TAF4B: variants seen among roughly 807,000 people sequenced by gnomAD.
TAF4B encodes TATA-box binding protein associated factor 4b.
TAF4B carries 38 observed loss-of-function variants against 86.4 expected under a neutral mutation model. The ratio of observed to expected loss-of-function variants is 0.44; its 90% CI spans 0.34 to 0.58. The LOEUF is 0.58. Among genes scored for constraint, TAF4B ranks in the 20% least tolerant of loss-of-function variants. TAF4B has a pLI of 0.02. For missense variants in TAF4B, 988 were observed against 1,027.6 expected (o/e 0.96, Z 0.53); for synonymous variants, 388 against 391.2 (o/e 0.99, Z 0.10).
chr18:26,367,678 T>C (rs2057380800), intron 14 of TAF4B, among the ~76,000 whole-genome samples: 1 of 152,218 alleles, frequency 6.6e-6, no homozygotes, highest in South Asian at 2.1e-4. Flanking sequence ...AGTTGGCACA[T>C]AAAATTAACC....
rs115521036 is a variant in TAF4B, at chr18:26,237,515, C to T, written c.343+10239C>T. 7.6e-3 allele frequency among the ~76,000 whole-genome samples: 1,157 copies of T among 151,958 alleles called. 13 individuals carry two copies. The highest frequency in any genetic ancestry group is 0.026 in the African/African-American group (1,096 of 41,468). On this transcript the variant is annotated intron_variant, in intron 1 of 14. Transcript: ENST00000269142. ...TTTTTTTGTGGTCCCTTGGAGATTT[C>T]TTGCTTGTTTCCTTCTGGGTGGGGG...
In TAF4B at chr18:26,274,917, A is replaced by G. The variant is rs780028320; in HGVS notation, c.760-14A>G. On this transcript the variant is annotated splice_polypyrimidine_tract_variant and intron_variant, in intron 4 of 14. Transcript: ENST00000269142. Reference sequence around the variant, plus strand: ...AACACTTGTGTTTGCTTATATTTACATTTTCATATTTAGACAATGCTAGAA... The same window carrying G: ...AACACTTGTGTTTGCTTATATTTACGTTTTCATATTTAGACAATGCTAGAA... The G allele has an allele frequency of 1.3e-5, 21 of 1,611,776 alleles. No individual in the cohort carries two copies. The highest frequency in any genetic ancestry group is 1.7e-5 in the Non-Finnish European group (20 of 1,179,332).
intron 1 of TAF4B, among the ~76,000 whole-genome samples, chr18:26,252,174 A>G (rs1220529211): frequency 6.6e-6 from 1 of 152,206 alleles, no homozygotes; most frequent in African/African-American, 2.4e-5. Context: ...TTACATGTTG[A>G]AAGTAATTAA....
intron 1 of TAF4B, among the ~76,000 whole-genome samples, chr18:26,264,222 T>G (rs939163322): frequency 6.6e-6 from 1 of 152,214 alleles, no homozygotes; most frequent in Non-Finnish European, 1.5e-5. Context: ...GAGGATCACC[T>G]GGGATCAGGG....
At chr18:26,372,695 G>T (rs115613560) in intron 14 of TAF4B, among the ~76,000 whole-genome samples, 2,613 of 152,220 alleles carry the variant, frequency 0.017, 59 homozygotes, top group African/African-American at 0.059. Flanking sequence ...CACCGGCTGG[G>T]CGCGGTGGCT....
At chr18:26,241,703 G>A (rs1465358805) in intron 1 of TAF4B, among the ~76,000 whole-genome samples, 1 of 152,110 alleles carries the variant, frequency 6.6e-6, no homozygotes, top group Non-Finnish European at 1.5e-5. Context: ...GATCTTTCCT[G>A]CTTTCTCTTA....
chr18:26,309,886 T>A (rs932274523), intron 9 of TAF4B, among the ~76,000 whole-genome samples: 6 of 152,164 alleles, frequency 3.9e-5, no homozygotes, highest in Non-Finnish European at 5.9e-5. Context: ...TGGAGTGCAG[T>A]GGCGCGATCT....
chr18:26,308,629 T>G (rs1447982825), intron 9 of TAF4B, among the ~76,000 whole-genome samples: 1 of 152,018 alleles, frequency 6.6e-6, no homozygotes, highest in South Asian at 2.1e-4. Context: ...TCCGAGCACT[T>G]TGGGAGGCCG....
Position 26,267,602 on chromosome 18 carries a change from T to C in TAF4B, c.576T>C (p.Val192=), listed in dbSNP as rs762147380. ...TAGGAACTACTGTGGTAACCACTGT[T>C]CCGAAGCCTTCCTCAGTACAAGTAA... The part of the protein sequence containing the change: ...AQIGTTVVTT[V]PKPSSVQSVA... Residue 192 remains valine, a synonymous_variant, in exon 3 of 15, where the codon GTT becomes GTC. Transcript: ENST00000269142. The C allele has an allele frequency of 3.7e-6, 6 of 1,613,466 alleles. No individual in the cohort carries two copies. In the Admixed American group the frequency reaches 8.3e-5, roughly 22 times the overall value.
intron 14 of TAF4B, among the ~76,000 whole-genome samples, chr18:26,385,067 G>GCAGT (rs1416090390): frequency 6.6e-6 from 1 of 152,140 alleles, no homozygotes; most frequent in Non-Finnish European, 1.5e-5. Context: ...TGGAGTCACT[G>GCAGT]CAAACCCCAA....
At chr18:26,291,399 G>T (rs922570103) in intron 7 of TAF4B, among the ~76,000 whole-genome samples, 2 of 151,984 alleles carry the variant, frequency 1.3e-5, no homozygotes, top group East Asian at 3.9e-4. Context: ...CGGGCGTGGT[G>T]GCTCACGCCC....
chr18:26,316,831 A>G (rs1401248370), intron 10 of TAF4B, among the ~76,000 whole-genome samples: 3 of 151,456 alleles, frequency 2.0e-5, no homozygotes, highest in African/African-American at 2.4e-5. Context: ...TGCTTCTTCC[A>G]TTTTCTTTTT....
chr18:26,323,712 T>C (rs1023343229), intron 11 of TAF4B, among the ~76,000 whole-genome samples: 12 of 152,192 alleles, frequency 7.9e-5, no homozygotes, highest in Non-Finnish European at 1.8e-4. Context: ...TTGTCTCTTT[T>C]AAGGGTTTTG....
chr18:26,285,905 A>C lies in TAF4B; in HGVS notation c.996A>C (p.Gln332His), dbSNP rs765617155. ...FLKKSVVALR[Q>H]LLPNSQSFIQ... ...AGAAAAGCGTGGTTGCCTTACGACA[A>C]CTTCTGCCTAACTCCCAGAGCTTCA... The change falls in exon 7 of 15, where the codon CAA becomes CAC. Residue 332 changes from glutamine to histidine, a missense_variant. Transcript: ENST00000269142. 1.2e-6 allele frequency: 2 copies of C among 1,608,626 alleles called. No homozygotes were observed. Among genetic ancestry groups the C allele is most frequent in the Non-Finnish European group, 1.7e-6 (2 of 1,176,320 alleles).
intron 1 of TAF4B, among the ~76,000 whole-genome samples, chr18:26,231,588 A>C (rs1197899134): frequency 6.6e-6 from 1 of 151,786 alleles, no homozygotes; most frequent in Non-Finnish European, 1.5e-5. Context: ...CCTGGCCTCA[A>C]GTGATCTGCT....
intron 14 of TAF4B, among the ~76,000 whole-genome samples, chr18:26,372,600 C>T (rs1213110903): frequency 6.6e-6 from 1 of 152,160 alleles, no homozygotes; most frequent in Non-Finnish European, 1.5e-5. Flanking sequence ...ATGCAAAGGA[C>T]CTGGATAGCC....
chr18:26,313,696 C>G (rs1363696277), intron 9 of TAF4B, among the ~76,000 whole-genome samples: 1 of 151,430 alleles, frequency 6.6e-6, no homozygotes, highest in East Asian at 1.9e-4. Context: ...CACAGGGTCT[C>G]ACTCTGTCAC....
chr18:26,385,679 G>GTTTTTTTTTTTTTT (rs34188640), intron 14 of TAF4B, among the ~76,000 whole-genome samples: 3 of 109,826 alleles, frequency 2.7e-5, no homozygotes, highest in Non-Finnish European at 4.0e-5. Flanking sequence ...AATAAACAGC[G>GTTTTTTTTTTTTTT]TTTTTTTTTT....
chr18:26,247,084 C>G (rs906195668), intron 1 of TAF4B, among the ~76,000 whole-genome samples: 5 of 152,036 alleles, frequency 3.3e-5, no homozygotes, highest in Non-Finnish European at 7.4e-5. Context: ...AGGCTGGTCT[C>G]GAACTCCCGA....
Sources: gnomAD v4.1 joint callset for allele counts (sites outside exome capture counted in the v4.1 genomes callset) on GRCh38, gnomAD v4.1.1 for gene constraint, MANE v1.5 for transcripts, NCBI Gene and HGNC (gene_info 2026-07-23, HGNC 2026-07-21) for gene names.